The following CHD7 variants were observed in gnomAD, a reference collection of about 807,000 sequenced individuals.
CHD7 encodes the protein chromodomain helicase DNA binding protein 7, also known as ATP-dependent chromatin remodeler CHD7.
CHD7 carries 24 observed loss-of-function variants against 307.3 expected under a neutral mutation model. The observed-to-expected ratio is 0.08, with a 90% CI of 0.06 to 0.11. The LOEUF (loss-of-function observed/expected upper bound fraction) is 0.11. Ranked by LOEUF, CHD7 falls within the 10% of genes least tolerant of loss-of-function variation. The probability of loss-of-function intolerance (pLI) is 1.00; values close to 1 mark genes in which losing one functional copy is unlikely to be tolerated. For synonymous variants in CHD7, 1,363 were observed against 1,349.9 expected (o/e 1.01, Z -0.21); for missense variants, 3,106 against 3,727.1 (o/e 0.83, Z 4.34).
At chr8:60,781,698 A>G (rs1811244852) in intron 3 of CHD7, among the ~76,000 whole-genome samples, 1 of 152,224 alleles carries the variant, frequency 6.6e-6, no homozygotes, top group Non-Finnish European at 1.5e-5. Flanking sequence ...CTTATCATTT[A>G]GCAAATGGAA....
At chr8:60,816,346 TA>T (rs1462364161) in intron 7 of CHD7, 40 bp from the exon 8 acceptor site, 19 of 1,072,330 alleles carry the variant, frequency 1.8e-5, no homozygotes, top group Non-Finnish European at 2.5e-5. Flanking sequence ...AAGGATTAAT[TA>T]TATTCTACAT....
At chr8:60,690,921 ATCTTTCTT>A (rs574058355) in intron 1 of CHD7, among the ~76,000 whole-genome samples, 2 of 151,894 alleles carry the variant, frequency 1.3e-5, no homozygotes, top group East Asian at 1.9e-4. Flanking sequence ...TGTCATTTGC[ATCTTTCTT>A]TCTTTCTTTC....
At chr8:60,814,634 T>C (rs1420626410) in intron 7 of CHD7, among the ~76,000 whole-genome samples, 2 of 152,100 alleles carry the variant, frequency 1.3e-5, no homozygotes. Flanking sequence ...TTTAATAGAG[T>C]TGGGTTTTCA....
chr8:60,748,470 A>G (rs997064621), intron 2 of CHD7, among the ~76,000 whole-genome samples: 2 of 152,198 alleles, frequency 1.3e-5, no homozygotes, highest in Admixed American at 6.5e-5. Flanking sequence ...ACACAGCACC[A>G]TGGGGCTCTT....
intron 7 of CHD7, chr8:60,808,833 C>T (rs927497288): frequency 2.6e-5 from 4 of 153,006 alleles, no homozygotes; most frequent in Non-Finnish European, 4.4e-5. Context: ...CTGTTGTAAG[C>T]AGTACACCTG....
At chr8:60,827,977 T>C (rs1268038872) in intron 13 of CHD7, among the ~76,000 whole-genome samples, 1 of 152,160 alleles carries the variant, frequency 6.6e-6, no homozygotes, top group Non-Finnish European at 1.5e-5. Context: ...AAAACAGCTC[T>C]TCTGTATTGC....
rs80281949 is a variant in CHD7 at position 60,849,517 on chromosome 8, G to T, written c.5404+363G>T. Among the ~76,000 whole-genome samples, 1,208 of 152,262 alleles carry T rather than the reference G, an allele frequency of 7.9e-3. 17 individuals are homozygous for T. The highest frequency in any genetic ancestry group is 0.027 in the South Asian group (130 of 4,826). ...AAAGTGGACGGTGGGCTTAACCTCT[G>T]CTATTAATCTGTACAAGTGCCTCCT... On this transcript the variant is annotated intron_variant, in intron 25 of 37. Transcript: ENST00000423902.
chr8:60,679,479 G>A (rs1266547363), intron 1 of CHD7: 2 of 145,236 alleles, frequency 1.4e-5, no homozygotes, highest in African/African-American at 4.9e-5. Context: ...GTGTCTGCGC[G>A]CGGGGGAGCG....
intron 2 of CHD7, among the ~76,000 whole-genome samples, chr8:60,778,690 C>A (rs757073595): frequency 6.6e-6 from 1 of 152,162 alleles, no homozygotes; most frequent in Non-Finnish European, 1.5e-5. Flanking sequence ...ACAGCTTTTT[C>A]TTTCATTTCC....
intron 2 of CHD7, among the ~76,000 whole-genome samples, chr8:60,764,236 G>A (rs918775572): frequency 1.5e-4 from 23 of 152,034 alleles, no homozygotes; most frequent in South Asian, 2.1e-4. Context: ...TGATCCGCCC[G>A]CCTCGGCCTC....
chr8:60,685,457 C>T (rs755625691), intron 1 of CHD7, among the ~76,000 whole-genome samples: 4 of 152,146 alleles, frequency 2.6e-5, no homozygotes, highest in Non-Finnish European at 5.9e-5. Flanking sequence ...TGTCCCCTTA[C>T]GGAGGCTGCT....
intron 1 of CHD7, among the ~76,000 whole-genome samples, chr8:60,706,054 GC>G (rs555785435): frequency 6.6e-5 from 10 of 152,186 alleles, no homozygotes; most frequent in Middle Eastern, 3.4e-3. Context: ...TTCACCCTGG[GC>G]ATTCTAAAAG....
In CHD7 at chr8:60,742,623, A is replaced by C. The variant is rs1586250706; in HGVS notation, c.1191A>C (p.Ser397=). The C allele has an allele frequency of 1.9e-6, 3 of 1,612,272 alleles. No homozygotes were observed. Among genetic ancestry groups the C allele is most frequent in the Non-Finnish European group, 8.5e-7 (1 of 1,178,820 alleles). Residue 397 remains serine, a synonymous_variant, in exon 2 of 38, where the codon TCA becomes TCC. Transcript: ENST00000423902. ...QGTYASPPPM[S]PMKAMSNPAG... is the part of the protein sequence containing the mutation. Reference sequence around the variant, plus strand: ...CTTATGCCTCTCCACCTCCCATGTCACCCATGAAAGCAATGAGTAATCCAG... The same window carrying C: ...CTTATGCCTCTCCACCTCCCATGTCCCCCATGAAAGCAATGAGTAATCCAG...
chr8:60,853,634 C>A, intron 31 of CHD7, 134 bp downstream of exon 31: 1 of 667,464 alleles, frequency 1.5e-6, no homozygotes, highest in Non-Finnish European at 2.4e-6. Flanking sequence ...GGGATAATTT[C>A]AAGTTATGCT....
chr8:60,731,269 G>T (rs1486518986), intron 1 of CHD7, among the ~76,000 whole-genome samples: 1 of 152,200 alleles, frequency 6.6e-6, no homozygotes, highest in African/African-American at 2.4e-5. Context: ...TAAATCATAA[G>T]TATTATTTAT....
intron 1 of CHD7, among the ~76,000 whole-genome samples, chr8:60,737,461 A>AT (rs1395000317): frequency 6.6e-6 from 1 of 152,226 alleles, no homozygotes; most frequent in East Asian, 1.9e-4. Flanking sequence ...CTATAAAAGG[A>AT]TTTTTTTCAT....
At chr8:60,685,471 T>C (rs986380646) in intron 1 of CHD7, among the ~76,000 whole-genome samples, 1 of 152,226 alleles carries the variant, frequency 6.6e-6, no homozygotes, top group African/African-American at 2.4e-5. Flanking sequence ...GGCTGCTTTC[T>C]GTTGCTAGTC....
intron 7 of CHD7, among the ~76,000 whole-genome samples, chr8:60,810,320 C>T (rs966126380): frequency 1.3e-5 from 2 of 151,670 alleles, no homozygotes; most frequent in African/African-American, 4.8e-5. Context: ...GTGTGCTCCT[C>T]GTTGCTGAGG....
intron 33 of CHD7, 51 bp from the exon 34 acceptor site, chr8:60,856,394 C>A (rs1805709296): frequency 6.7e-7 from 1 of 1,503,530 alleles, no homozygotes; most frequent in African/African-American, 1.4e-5. Context: ...GCCCATATAG[C>A]AGTACTGTTT....
Sources: gnomAD v4.1 joint callset for allele counts (sites outside exome capture counted in the v4.1 genomes callset) on GRCh38, gnomAD v4.1.1 for gene constraint, MANE v1.5 for transcripts, NCBI Gene and HGNC (gene_info 2026-07-23, HGNC 2026-07-21) for gene names.